LONP2: variants seen among roughly 807,000 people sequenced by gnomAD.
LONP2 encodes the protein lon peptidase 2, peroxisomal, also known as lon protease homolog 2, peroxisomal.
In LONP2, 60 loss-of-function variants were observed where a neutral mutation model predicts 85.6. The ratio of observed to expected loss-of-function variants is 0.70; its 90% CI spans 0.57 to 0.87. LONP2 has a LOEUF of 0.87. Among genes scored for constraint, LONP2 ranks in the 40% least tolerant of loss-of-function variants. LONP2 has a pLI of 0.00. For synonymous variants in LONP2, 395 were observed against 389.7 expected, an observed-to-expected ratio of 1.01 and a Z score of -0.16; for missense variants, 860 against 1,063.5, an observed-to-expected ratio of 0.81 and a Z score of 2.66.
At chr16:48,277,230 T>C in intron 7 of LONP2, 108 bp from the exon 8 acceptor site, 1 of 1,030,864 alleles carries the variant, frequency 9.7e-7, no homozygotes, top group Non-Finnish European at 1.4e-6. Flanking sequence ...TGCTATATTA[T>C]AGTGATAGCT....
intron 12 of LONP2, among the ~76,000 whole-genome samples, chr16:48,346,429 C>T (rs1567353294): frequency 6.6e-6 from 1 of 152,250 alleles, no homozygotes; most frequent in Non-Finnish European, 1.5e-5. Flanking sequence ...CAACTATGCT[C>T]CTAGTCTCAG....
intron 6 of LONP2, among the ~76,000 whole-genome samples, chr16:48,267,899 A>T (rs1416111400): frequency 6.6e-6 from 1 of 152,206 alleles, no homozygotes; most frequent in Non-Finnish European, 1.5e-5. Context: ...TACAGGTGTG[A>T]GCCACCGAGC....
chr16:48,297,900 A>G lies in LONP2; in HGVS notation c.1534+1735A>G, dbSNP rs1338693794. On this transcript the variant is annotated intron_variant, in intron 9 of 14. Transcript: ENST00000285737. ...TTTTTAGTAGAGATGGGATTTCACC[A>G]TGTTGGCCAGGAAGGTCTCAATGTC... Among the ~76,000 whole-genome samples, 5 of 152,286 alleles carry G rather than the reference A, an allele frequency of 3.3e-5. No homozygotes were observed. In the East Asian group the frequency reaches 7.7e-4, roughly 24 times the overall value.
chr16:48,296,761 T>C (rs1001778298), intron 9 of LONP2, among the ~76,000 whole-genome samples: 1 of 151,502 alleles, frequency 6.6e-6, no homozygotes, highest in Non-Finnish European at 1.5e-5. Context: ...AACTTTCTCA[T>C]AAAATCTGGC....
chr16:48,274,133 CTT>C (rs1331167129), intron 7 of LONP2, among the ~76,000 whole-genome samples: 1 of 152,126 alleles, frequency 6.6e-6, no homozygotes, highest in African/African-American at 2.4e-5. Flanking sequence ...CTCTCCAAAA[CTT>C]AGGTTTATTT....
At chr16:48,247,257 T>G (rs12931193) in intron 1 of LONP2, 1 of 152,120 alleles carries the variant, frequency 6.6e-6, no homozygotes, top group African/African-American at 2.4e-5. Flanking sequence ...ATACCAATAC[T>G]GAGTAATCCA....
intron 11 of LONP2, among the ~76,000 whole-genome samples, chr16:48,311,380 C>G (rs1973028729): frequency 6.8e-6 from 1 of 147,366 alleles, no homozygotes; most frequent in South Asian, 2.1e-4. Context: ...TTTTGTCTGA[C>G]TGGATTAATT....
chr16:48,277,543 C>A, intron 8 of LONP2, 64 bp downstream of exon 8: 2 of 1,527,348 alleles, frequency 1.3e-6, no homozygotes, highest in South Asian at 1.2e-5. Context: ...GGTTGATAAT[C>A]ATATTCAAGT....
intron 12 of LONP2, 48 bp downstream of exon 12, chr16:48,334,406 A>T (rs781300398): frequency 1.9e-6 from 3 of 1,610,702 alleles, no homozygotes; most frequent in Non-Finnish European, 2.5e-6. Context: ...TGAAAGGAAC[A>T]CTTTATTGAG....
At chr16:48,322,362 A>C (rs1233805542) in intron 11 of LONP2, among the ~76,000 whole-genome samples, 11 of 152,168 alleles carry the variant, frequency 7.2e-5, no homozygotes. Flanking sequence ...TTCTTTGTTA[A>C]AAGCAAAGAC....
chr16:48,315,963 ATTTTT>A (rs201723319), intron 11 of LONP2, among the ~76,000 whole-genome samples: 1 of 107,648 alleles, frequency 9.3e-6, no homozygotes, highest in African/African-American at 3.7e-5. Context: ...CCATATTGTA[ATTTTT>A]TTTTTTTTTT....
chr16:48,259,624 T>C (rs1421817064), intron 4 of LONP2, among the ~76,000 whole-genome samples: 1 of 152,212 alleles, frequency 6.6e-6, no homozygotes, highest in Non-Finnish European at 1.5e-5. Context: ...TCAAAGAGAA[T>C]ACATTGTAGA....
chr16:48,321,034 A>C (rs1973252557), intron 11 of LONP2, among the ~76,000 whole-genome samples: 3 of 152,248 alleles, frequency 2.0e-5, no homozygotes, highest in Admixed American at 6.5e-5. Context: ...CACGGGCTTA[A>C]GCTGTCCTCC....
At chr16:48,299,469 C>T (rs183927660) in intron 9 of LONP2, among the ~76,000 whole-genome samples, 193 bp from the exon 10 acceptor site, 1 of 152,014 alleles carries the variant, frequency 6.6e-6, no homozygotes, top group Non-Finnish European at 1.5e-5. Context: ...GTAATCCCAG[C>T]TGCTCGGGAG....
chr16:48,311,994 G>A lies in LONP2; in HGVS notation c.1795+8689G>A, dbSNP rs569796231. On this transcript the variant is annotated intron_variant, in intron 11 of 14. Coordinates refer to ENST00000285737, the MANE Select transcript of LONP2 (RefSeq NM_031490.5). ...TTTACCCTGTCACCCAGGCTAGAGT[G>A]CAGTGGCACGATCTCGGCTCACTGC... Among the ~76,000 whole-genome samples, 14 of 151,908 alleles carry A rather than the reference G, an allele frequency of 9.2e-5. No individual in the cohort carries two copies. In the South Asian group the frequency reaches 2.9e-3, roughly 32 times the overall value.
intron 2 of LONP2, among the ~76,000 whole-genome samples, chr16:48,256,100 A>G (rs185767408): frequency 1.3e-5 from 2 of 152,328 alleles, no homozygotes; most frequent in Admixed American, 6.5e-5. Context: ...CTTGTTCTTA[A>G]GAACAAGGGT....
At chr16:48,255,581 G>A (rs1721433495) in intron 2 of LONP2, among the ~76,000 whole-genome samples, 1 of 152,160 alleles carries the variant, frequency 6.6e-6, no homozygotes, top group African/African-American at 2.4e-5. Flanking sequence ...TCAGATTCTA[G>A]TTAGTCCAAA....
chr16:48,309,647 A>G (rs1264567138), intron 11 of LONP2, among the ~76,000 whole-genome samples: 6 of 152,140 alleles, frequency 3.9e-5, no homozygotes, highest in Admixed American at 3.9e-4. Flanking sequence ...ATGTGTTTGT[A>G]TATTTTTGAG....
chr16:48,312,994 C>G (rs1422781726), intron 11 of LONP2, among the ~76,000 whole-genome samples: 2 of 152,212 alleles, frequency 1.3e-5, no homozygotes, highest in African/African-American at 4.8e-5. Context: ...TACTTAGGGC[C>G]TGGGATAAAA....
Sources: allele counts gnomAD v4.1 joint callset (sites outside exome capture counted in the v4.1 genomes callset), GRCh38; gene constraint gnomAD v4.1.1; transcripts MANE v1.5; gene names NCBI Gene and HGNC (gene_info 2026-07-23, HGNC 2026-07-21).